The following ASTN1 variants were observed in gnomAD, a reference collection of about 807,000 sequenced individuals.
The protein encoded by ASTN1 is astrotactin-1.
ASTN1 carries 41 observed loss-of-function variants against 140.7 expected under a neutral mutation model. That is an observed-to-expected ratio of 0.29 (90% CI 0.23 to 0.38). The LOEUF (loss-of-function observed/expected upper bound fraction) is 0.38. Ranked by LOEUF, ASTN1 falls within the 10% of genes least tolerant of loss-of-function variation. The pLI, the probability that ASTN1 is intolerant of heterozygous loss-of-function variation, is 1.00. For missense variants in ASTN1, 1,479 were observed against 1,678.8 expected (o/e 0.88, Z 2.08); for synonymous variants, 640 against 652.2 (o/e 0.98, Z 0.29).
intron 7 of ASTN1, among the ~76,000 whole-genome samples, chr1:177,018,368 A>C (rs1000954183): frequency 4.6e-5 from 7 of 152,182 alleles, no homozygotes; most frequent in African/African-American, 1.4e-4. Flanking sequence ...ACCAACCAAC[A>C]AACAAACAAA....
At chr1:177,151,438 A>AG (rs894226364) in intron 1 of ASTN1, among the ~76,000 whole-genome samples, 1 of 151,532 alleles carries the variant, frequency 6.6e-6, no homozygotes. Flanking sequence ...AAAAAAAAAA[A>AG]AGAGAGAGAG....
rs35209486 is a variant in ASTN1 at position 176,981,211 on chromosome 1, CAAAAAAAAAAAAA to C, written c.1524-15987_1524-15975del. 2.9e-4 allele frequency among the ~76,000 whole-genome samples: 7 copies of C among 24,058 alleles called. No individual in the cohort carries two copies. In the Admixed American group the frequency reaches 3.2e-3, roughly 11 times the overall value. The allele number at this position is 24,058 out of a possible 152,430, so 15.8% of individuals were successfully genotyped here. A position where few individuals can be genotyped will look rare whatever the true frequency, so the allele number is the denominator to read the frequency against. On this transcript the variant is annotated intron_variant, in intron 8 of 22. Transcript: ENST00000361833. ...TGGGTGACAGAAGGAGACTCTGTCT[CAAAAAAAAAAAAA>C]AAAAAAAAAAAAAAAAAGGAAGCAC...
At chr1:177,090,717 G>T (rs1057013197) in intron 1 of ASTN1, among the ~76,000 whole-genome samples, 4 of 152,150 alleles carry the variant, frequency 2.6e-5, no homozygotes, top group Admixed American at 2.6e-4. Flanking sequence ...TTGAGTCAAA[G>T]TACCTCTTCT....
chr1:177,058,493 G>A (rs1677918692), intron 2 of ASTN1, among the ~76,000 whole-genome samples: 1 of 152,068 alleles, frequency 6.6e-6, no homozygotes, highest in Non-Finnish European at 1.5e-5. Flanking sequence ...GCATATGAAG[G>A]AGAGGTCTCA....
chr1:176,995,121 C>T (rs1002484682), intron 8 of ASTN1, among the ~76,000 whole-genome samples: 1 of 152,144 alleles, frequency 6.6e-6, no homozygotes, highest in Non-Finnish European at 1.5e-5. Context: ...CACACATAAC[C>T]TTATATGCAA....
intron 16 of ASTN1, among the ~76,000 whole-genome samples, chr1:176,928,376 A>G (rs912252473): frequency 2.0e-5 from 3 of 152,206 alleles, no homozygotes; most frequent in Non-Finnish European, 4.4e-5. Flanking sequence ...TTTTGAAATT[A>G]AAAAAAGAAG....
chr1:177,009,598 CA>C (rs1274471196), intron 8 of ASTN1, among the ~76,000 whole-genome samples: 4 of 152,144 alleles, frequency 2.6e-5, no homozygotes, highest in Non-Finnish European at 5.9e-5. Flanking sequence ...AGACAGTATG[CA>C]CCTGGGACAA....
At chr1:176,888,254 GC>G in intron 17 of ASTN1, 50 bp from the exon 18 acceptor site, 1 of 1,601,712 alleles carries the variant, frequency 6.2e-7, no homozygotes, top group Non-Finnish European at 8.5e-7. Flanking sequence ...CCAGGGCTAG[GC>G]CATCAGAATC....
At chr1:176,937,657 C>T (rs1671507592) in intron 14 of ASTN1, among the ~76,000 whole-genome samples, 1 of 152,096 alleles carries the variant, frequency 6.6e-6, no homozygotes, top group Non-Finnish European at 1.5e-5. Context: ...TTAATCTTTG[C>T]TATATGTGTA....
chr1:176,936,312 C>G lies in ASTN1; in HGVS notation c.2436G>C (p.Arg812=), dbSNP rs777841647. The change falls in exon 15 of 23, where the codon CGG becomes CGC. Residue 812 remains arginine, a synonymous_variant. Coordinates refer to ENST00000361833, the MANE Select transcript of ASTN1 (RefSeq NM_004319.3). ...TGAGTTTGATGTGGTACATCACAGA[C>G]CGGACCTTCCAGTGCTGCAGCACAG... ...GYPVLQHWKV[R]SVMYHIKLNQ... is the part of the protein sequence containing the mutation. 6.2e-7 allele frequency: 1 copy of G among 1,613,950 alleles called. No individual in the cohort carries two copies. Among genetic ancestry groups the G allele is most frequent in the Non-Finnish European group, 8.5e-7 (1 of 1,179,984 alleles).
intron 8 of ASTN1, among the ~76,000 whole-genome samples, chr1:176,992,936 G>T (rs1013350306): frequency 6.6e-6 from 1 of 152,168 alleles, no homozygotes; most frequent in African/African-American, 2.4e-5. Context: ...TGTCATTATG[G>T]ATAATCAGGT....
chr1:177,027,283 G>C (rs1676166240), intron 5 of ASTN1, among the ~76,000 whole-genome samples: 1 of 152,048 alleles, frequency 6.6e-6, no homozygotes, highest in Non-Finnish European at 1.5e-5. Flanking sequence ...TATAAGGTGT[G>C]ATAAGAGCTG....
rs562383221 is a variant in ASTN1 at position 176,919,032 on chromosome 1, G to T, written c.2671+15120C>A. ...AGTTTTACTGACCACCCTCTTTAAA[G>T]GGGGCCACTGCCCCTGTTACCCATC... On this transcript the variant is annotated intron_variant, in intron 16 of 22. Coordinates refer to ENST00000361833, the MANE Select transcript of ASTN1 (RefSeq NM_004319.3). 1.1e-4 allele frequency among the ~76,000 whole-genome samples: 17 copies of T among 152,312 alleles called. No homozygotes were observed. The South Asian group carries it at 3.5e-3, about 32-fold the overall frequency.
chr1:176,910,958 T>A (rs1670211705), intron 16 of ASTN1, among the ~76,000 whole-genome samples: 1 of 151,980 alleles, frequency 6.6e-6, no homozygotes, highest in East Asian at 1.9e-4. Flanking sequence ...CCCCAAACCA[T>A]CCCCTCTGAC....
intron 1 of ASTN1, among the ~76,000 whole-genome samples, chr1:177,088,220 G>C (rs1483294217): frequency 6.6e-6 from 1 of 152,134 alleles, no homozygotes; most frequent in Non-Finnish European, 1.5e-5. Flanking sequence ...AAAGAGAATG[G>C]AAGATTTCCC....
intron 19 of ASTN1, among the ~76,000 whole-genome samples, chr1:176,883,950 G>T (rs1207585357): frequency 1.3e-5 from 2 of 152,156 alleles, no homozygotes; most frequent in Admixed American, 1.3e-4. Context: ...TATTAGCAAA[G>T]GAATTTTTTT....
intron 1 of ASTN1, among the ~76,000 whole-genome samples, chr1:177,133,041 T>C (rs1238470990): frequency 6.6e-6 from 1 of 152,226 alleles, no homozygotes; most frequent in Non-Finnish European, 1.5e-5. Flanking sequence ...ATTTTAAAGA[T>C]AGCCTTTAAA....
intron 2 of ASTN1, among the ~76,000 whole-genome samples, chr1:177,042,639 A>G (rs748979810): frequency 3.3e-5 from 5 of 152,230 alleles, no homozygotes; most frequent in Admixed American, 2.0e-4. Context: ...TATACTCATT[A>G]TTTTATTTAG....
intron 1 of ASTN1, among the ~76,000 whole-genome samples, chr1:177,073,312 C>G (rs1678734609): frequency 6.6e-6 from 1 of 151,984 alleles, no homozygotes; most frequent in Non-Finnish European, 1.5e-5. Flanking sequence ...GTTTTGTTTA[C>G]TATATCTGTA....
Sources: gnomAD v4.1 joint callset for allele counts (sites outside exome capture counted in the v4.1 genomes callset) on GRCh38, gnomAD v4.1.1 for gene constraint, MANE v1.5 for transcripts, NCBI Gene and HGNC (gene_info 2026-07-23, HGNC 2026-07-21) for gene names.